Variants in VPS13B observed in about 807,000 individuals in gnomAD.
The protein encoded by VPS13B is vacuolar protein sorting 13 homolog B.
In VPS13B, 285 loss-of-function variants were observed where a neutral mutation model predicts 426.4. The observed-to-expected ratio is 0.67, with a 90% confidence interval of 0.61 to 0.74. The LOEUF (loss-of-function observed/expected upper bound fraction) is 0.74. Among genes scored for constraint, VPS13B ranks in the 30% least tolerant of loss-of-function variants. The pLI is 0.00. For missense variants in VPS13B, 4,537 were observed against 4,782.6 expected, an observed-to-expected ratio of 0.95 and a Z score of 1.51; for synonymous variants, 1,676 against 1,676.4, an observed-to-expected ratio of 1.00 and a Z score of 0.01.
At chr8:99,322,577 T>A (rs1208113855) in intron 19 of VPS13B, among the ~76,000 whole-genome samples, 1 of 152,246 alleles carries the variant, frequency 6.6e-6, no homozygotes, top group Non-Finnish European at 1.5e-5. Flanking sequence ...ATTGACAGCG[T>A]GACTGCTCTT....
At chr8:99,545,179 T>G (rs1314123001) in intron 30 of VPS13B, among the ~76,000 whole-genome samples, 1 of 152,222 alleles carries the variant, frequency 6.6e-6, no homozygotes, top group African/African-American at 2.4e-5. Flanking sequence ...ACTGTGATAT[T>G]CTATTGCATG....
intron 19 of VPS13B, among the ~76,000 whole-genome samples, chr8:99,318,647 A>G (rs1450462483): frequency 4.6e-5 from 7 of 151,944 alleles, no homozygotes; most frequent in Admixed American, 4.6e-4. Context: ...AGCCTCCTGA[A>G]TAGCTGGGAC....
chr8:99,237,235 A>G (rs1461504997), intron 17 of VPS13B, among the ~76,000 whole-genome samples: 1 of 152,124 alleles, frequency 6.6e-6, no homozygotes, highest in Non-Finnish European at 1.5e-5. Context: ...CTAATACAAC[A>G]CCTTAACTTT....
chr8:99,592,893 C>T (rs1826764201), intron 33 of VPS13B, among the ~76,000 whole-genome samples: 1 of 152,074 alleles, frequency 6.6e-6, no homozygotes, highest in South Asian at 2.1e-4. Context: ...CCCTTCCTTA[C>T]ACCATATGCA....
intron 35 of VPS13B, among the ~76,000 whole-genome samples, chr8:99,663,156 A>T (rs1483834606): frequency 1.3e-5 from 2 of 152,218 alleles, no homozygotes; most frequent in Non-Finnish European, 2.9e-5. Context: ...AAAAATATTT[A>T]TATATAGACT....
intron 19 of VPS13B, among the ~76,000 whole-genome samples, chr8:99,276,450 A>G (rs1818899533): frequency 6.6e-6 from 1 of 152,180 alleles, no homozygotes; most frequent in African/African-American, 2.4e-5. Flanking sequence ...CCAATCTTTT[A>G]AGACAGGGAT....
chr8:99,749,238 A>C (rs1473898045), intron 39 of VPS13B, among the ~76,000 whole-genome samples: 2 of 152,030 alleles, frequency 1.3e-5, no homozygotes, highest in Non-Finnish European at 2.9e-5. Context: ...TTCTGTTATA[A>C]ACATTCCAAT....
intron 19 of VPS13B, among the ~76,000 whole-genome samples, chr8:99,336,890 T>C (rs1311577926): frequency 6.6e-6 from 1 of 151,764 alleles, no homozygotes; most frequent in Non-Finnish European, 1.5e-5. Flanking sequence ...TGTGGAGAAA[T>C]AGGAACACTT....
chr8:99,215,198 C>A (rs1283915987), intron 17 of VPS13B, among the ~76,000 whole-genome samples: 3 of 152,150 alleles, frequency 2.0e-5, no homozygotes, highest in Non-Finnish European at 2.9e-5. Context: ...AAATAGTTTA[C>A]AAATTCTACT....
intron 25 of VPS13B, among the ~76,000 whole-genome samples, chr8:99,499,635 A>AT (rs1256945365): frequency 4.6e-5 from 7 of 152,084 alleles, no homozygotes; most frequent in South Asian, 2.1e-4. Context: ...CAAAAACCTG[A>AT]TTTTTTTATA....
intron 19 of VPS13B, among the ~76,000 whole-genome samples, chr8:99,302,307 T>C (rs537597015): frequency 1.3e-5 from 2 of 152,350 alleles, no homozygotes; most frequent in East Asian, 3.9e-4. Flanking sequence ...TGTTTTGTTT[T>C]AATAAATCTA....
At position 99,142,965 on chromosome 8, in the gene VPS13B, T is replaced by C. The variant is rs375615155; in HGVS notation, c.1652-9T>C. On this transcript the variant is annotated splice_polypyrimidine_tract_variant and intron_variant, in intron 12 of 61. Coordinates refer to ENST00000357162, the MANE Select transcript of VPS13B (RefSeq NM_152564.5). ...TGATGCTTAAAATATAAAATTTGAC[T>C]TCTTTTAGGTTCCACAAATCAACAA... 1.2e-6 allele frequency: 2 copies of C among 1,610,212 alleles called. No individual in the cohort carries two copies. Among genetic ancestry groups the C allele is most frequent in the South Asian group, 2.2e-5 (2 of 90,348 alleles).
intron 44 of VPS13B, among the ~76,000 whole-genome samples, chr8:99,811,726 C>T (rs1813711184): frequency 6.6e-6 from 1 of 152,132 alleles, no homozygotes; most frequent in Non-Finnish European, 1.5e-5. Flanking sequence ...TTGGCTGTAT[C>T]CGCTTGCTAG....
intron 24 of VPS13B, among the ~76,000 whole-genome samples, chr8:99,472,668 G>GAT (rs1819475887): frequency 6.6e-6 from 1 of 151,748 alleles, no homozygotes; most frequent in African/African-American, 2.4e-5. Flanking sequence ...AAAAGAAGAA[G>GAT]ATAATAAAGA....
chr8:99,753,352 A>C (rs1288427925), intron 39 of VPS13B, among the ~76,000 whole-genome samples: 2 of 152,212 alleles, frequency 1.3e-5, no homozygotes, highest in African/African-American at 4.8e-5. Flanking sequence ...TGTAGAATTA[A>C]GCTCTCCCTG....
Position 99,876,855 on chromosome 8 carries a change from T to TTTTA in VPS13B, c.*1193_*1196dup, listed in dbSNP as rs1225713389. ...GAATGCAATTTTAAATGCCCACTGG[T>TTTTA]TTTATTTGTTTTGGAGAGAGGGTCT... On this transcript the variant is annotated 3_prime_UTR_variant, in exon 62 of 62. Transcript: ENST00000357162. 6.6e-6 allele frequency: 1 copy of TTTTA among 151,792 alleles called. No homozygotes were observed. Among genetic ancestry groups the TTTTA allele is most frequent in the African/African-American group, 2.4e-5 (1 of 41,112 alleles). 9.4% of individuals were successfully genotyped at this position (151,792 alleles called of 1,614,324 possible). A position where few individuals can be genotyped will look rare whatever the true frequency, so the allele number is the denominator to read the frequency against.
At chr8:99,285,951 T>A (rs773048950) in intron 19 of VPS13B, among the ~76,000 whole-genome samples, 13 of 152,050 alleles carry the variant, frequency 8.5e-5, no homozygotes, top group Non-Finnish European at 1.5e-4. Flanking sequence ...TGTGTGAGAG[T>A]TTAAGTGTTT....
intron 19 of VPS13B, among the ~76,000 whole-genome samples, chr8:99,316,818 G>A (rs1462319785): frequency 2.6e-5 from 4 of 152,170 alleles, no homozygotes; most frequent in African/African-American, 7.2e-5. Context: ...CCATTGTGAA[G>A]CCCCTGTCTT....
At chr8:99,654,859 CA>C (rs796454771) in intron 34 of VPS13B, among the ~76,000 whole-genome samples, 4,330 of 120,960 alleles carry the variant, frequency 0.036, 175 homozygotes, top group African/African-American at 0.11. Flanking sequence ...AGGATTAAGC[CA>C]AAAAAAAAAA....
Sources: gnomAD v4.1 joint callset for allele counts (sites outside exome capture counted in the v4.1 genomes callset) on GRCh38, gnomAD v4.1.1 for gene constraint, MANE v1.5 for transcripts, NCBI Gene and HGNC (gene_info 2026-07-23, HGNC 2026-07-21) for gene names.